Variants in FGB observed in about 807,000 individuals in gnomAD.
FGB encodes the protein beta-fibrinogen.
FGB carries 25 observed loss-of-function variants against 57.9 expected under a neutral mutation model. That is an observed-to-expected ratio of 0.43 (90% CI 0.31 to 0.60). FGB has a LOEUF of 0.60. FGB is among the 20% of genes least tolerant of loss of function. The pLI, the probability that FGB is intolerant of heterozygous loss-of-function variation, is 0.08. For synonymous variants in FGB, 203 were observed against 199.2 expected (o/e 1.02, Z -0.16); for missense variants, 536 against 598.4 (o/e 0.90, Z 1.09).
rs1418387777 is a variant in FGB, at chr4:154,569,602, AG to A, written c.1048del (p.Asp350ThrfsTer3). On this transcript the variant is annotated frameshift_variant, in exon 7 of 8. Transcript: ENST00000302068. LOFTEE classifies it high-confidence loss of function. ...TGATAGAAATGGAGGACTGGAAAGG[AG>A]ACAAAGTAAAGGCTCACTATGGAGG... ...LLIEMEDWKG[D>X]KVKAHYGGFT... 6.2e-7 allele frequency: 1 copy of A among 1,614,176 alleles called. No homozygotes were observed. Among genetic ancestry groups the A allele is most frequent in the Non-Finnish European group, 8.5e-7 (1 of 1,180,012 alleles).
At position 154,569,248 on chromosome 4, in the gene FGB, A is replaced by T. The variant is rs759534465; in HGVS notation, c.899A>T (p.Lys300Ile). 3 of 1,614,016 alleles carry T rather than the reference A, an allele frequency of 1.9e-6. No individual in the cohort carries two copies. In the African/African-American group the frequency reaches 4.0e-5, roughly 22 times the overall value. The change falls in exon 6 of 8, where the codon AAA becomes ATA. Residue 300 changes from lysine (K) to isoleucine (I), a missense_variant. By Grantham distance (102) the Lys-to-Ile change is moderately radical. Coordinates refer to ENST00000302068, the MANE Select transcript of FGB (RefSeq NM_005141.5). ...VDFGRKWDPY[K>I]QGFGNVATNT... Reference sequence around the variant, plus strand: ...TTTGGCAGGAAATGGGATCCATATAAACAGGGATTTGGAAATGTTGCAACC... The same window carrying T: ...TTTGGCAGGAAATGGGATCCATATATACAGGGATTTGGAAATGTTGCAACC...
At position 154,570,809 on chromosome 4, in the gene FGB, A is replaced by G. The variant is rs1730393001; in HGVS notation, c.*159A>G. 1.5e-6 allele frequency: 1 copy of G among 683,608 alleles called. No individual in the cohort carries two copies. 42.3% of individuals were successfully genotyped at this position (683,608 alleles called of 1,614,324 possible). ...ATAGGATAAATTACATTAAAATAGC[A>G]CATGATTTTCTTTTGTTTTCTTCAT... On this transcript the variant is annotated 3_prime_UTR_variant, in exon 8 of 8. Transcript: ENST00000302068.
rs779529144 is a variant in FGB at position 154,570,692 on chromosome 4, T to A, written c.*42T>A. 1.4e-6 allele frequency: 2 copies of A among 1,426,678 alleles called. No individual in the cohort carries two copies. The highest frequency in any genetic ancestry group is 2.0e-6 in the Non-Finnish European group (2 of 1,011,190). The allele number at this position is 1,426,678 out of a possible 1,614,324, so 88.4% of individuals were successfully genotyped here. ...TTTTGCTCTTCTGTATGTGACAACA[T>A]TTTTGTACATTATGTTATTGGAATT... is the stretch of plus-strand genomic sequence containing the variant. On this transcript the variant is annotated 3_prime_UTR_variant, in exon 8 of 8. Transcript: ENST00000302068.
chr4:154,566,723 G>T (rs746105693), intron 3 of FGB, 51 bp downstream of exon 3: 2 of 1,511,096 alleles, frequency 1.3e-6, no homozygotes, highest in Middle Eastern at 1.7e-4. Context: ...AATTGGAACC[G>T]TTAGACTGCC....
At position 154,570,642 on chromosome 4, in the gene FGB, C is replaced by G. The variant is rs1730384752; in HGVS notation, c.1468C>G (p.Gln490Glu). The change falls in exon 8 of 8, where the codon CAG becomes GAG. Residue 490 changes from glutamine (Q) to glutamate (E), a missense_variant. This residue lies in a region of FGB where 177 missense variants were observed against 193.7 expected (regional missense o/e 0.91). Coordinates refer to ENST00000302068, the MANE Select transcript of FGB (RefSeq NM_005141.5). The part of the protein sequence containing the change: ...MSMKIRPFFP[Q>E]Q ...TATGAAGATCAGGCCCTTCTTCCCA[C>G]AGCAATAGTCCCCAATACGTAGATT... 6.2e-7 allele frequency: 1 copy of G among 1,611,998 alleles called. No homozygotes were observed. Among genetic ancestry groups the G allele is most frequent in the Non-Finnish European group, 8.5e-7 (1 of 1,178,088 alleles).
chr4:154,572,207 G>A lies in FGB; in HGVS notation c.*1557G>A, dbSNP rs1730457108. Among the ~76,000 whole-genome samples, 1 of 151,998 alleles carries A rather than the reference G, an allele frequency of 6.6e-6. No individual in the cohort carries two copies. The highest frequency in any genetic ancestry group is 1.5e-5 in the Non-Finnish European group (1 of 68,014). Reference sequence around the variant, plus strand: ...TCACATTAAGTTTTTCCCCATTCCAGGACAGGTCAGGCCCTTTAAAAATTT... The same window carrying A: ...TCACATTAAGTTTTTCCCCATTCCAAGACAGGTCAGGCCCTTTAAAAATTT... On this transcript the variant is annotated 3_prime_UTR_variant, in exon 8 of 8. Coordinates refer to ENST00000302068, the MANE Select transcript of FGB (RefSeq NM_005141.5).
chr4:154,571,583 A>C lies in FGB; in HGVS notation c.*933A>C, dbSNP rs1044105505. Among the ~76,000 whole-genome samples the C allele has an allele frequency of 6.6e-6, 1 of 152,164 alleles. No homozygotes were observed. The highest frequency in any genetic ancestry group is 2.4e-5 in the African/African-American group (1 of 41,436). On this transcript the variant is annotated 3_prime_UTR_variant, in exon 8 of 8. Coordinates refer to ENST00000302068, the MANE Select transcript of FGB (RefSeq NM_005141.5). ...GGACAATCTGCATCAAGTCTTCACC[A>C]AGTGTTTTTTAAGCGAAATAATGAA...
Position 154,568,459 on chromosome 4 carries a change from A to G in FGB, c.797A>G (p.Tyr266Cys), listed in dbSNP as rs370703973. The G allele has an allele frequency of 2.6e-4, 418 of 1,599,524 alleles. No homozygotes were observed. The highest frequency in any genetic ancestry group is 3.4e-4 in the Non-Finnish European group (399 of 1,166,750). The part of the protein sequence containing the change: ...LIQPDSSVKP[Y>C]RVYCDMNTEN... ...CAACCTGACAGTTCTGTCAAACCGT[A>G]TAGAGTATACTGTGACATGAATACA... Residue 266 changes from tyrosine to cysteine, a missense_variant, in exon 5 of 8, where the codon TAT (tyrosine) becomes TGT (cysteine). Physicochemically the swap from Tyr to Cys is radical, Grantham distance 194. Around this residue, in one of 3 missense-constraint regions of FGB, gnomAD observed 354 missense variants for 383.4 expected, o/e 0.92. Coordinates refer to ENST00000302068, the MANE Select transcript of FGB (RefSeq NM_005141.5).
rs1276993052 is a variant in FGB at position 154,569,851 on chromosome 4, C to A, written c.1244+52C>A. On this transcript the variant is annotated intron_variant, in intron 7 of 7. Transcript: ENST00000302068. Reference sequence around the variant, plus strand: ...TTTAAAAATCACACTAATATCATTACTCAGAATCATTAACAATATTTTTAA... The same window carrying A: ...TTTAAAAATCACACTAATATCATTAATCAGAATCATTAACAATATTTTTAA... The A allele has an allele frequency of 1.0e-5, 16 of 1,593,112 alleles. No homozygotes were observed. In the Admixed American group the frequency reaches 2.7e-4, roughly 27 times the overall value.
chr4:154,564,482 T>C (rs1000772573), intron 1 of FGB, among the ~76,000 whole-genome samples: 5 of 152,150 alleles, frequency 3.3e-5, no homozygotes, highest in African/African-American at 1.2e-4. Context: ...AATATGTATA[T>C]ATCCTCCGAA....
chr4:154,570,594 T>G lies in FGB; in HGVS notation c.1420T>G (p.Trp474Gly). The change falls in exon 8 of 8, where the codon TGG becomes GGG. Residue 474 changes from tryptophan to glycine, a missense_variant. This residue lies in a region of FGB where 177 missense variants were observed against 193.7 expected (regional missense o/e 0.91). Coordinates refer to ENST00000302068, the MANE Select transcript of FGB (RefSeq NM_005141.5). ...GVVWMNWKGS[W>G]YSMRKMSMKI... is the part of the protein sequence containing the mutation. ...AGTATGGATGAATTGGAAGGGGTCA[T>G]GGTACTCAATGAGGAAGATGAGTAT... The G allele has an allele frequency of 6.2e-7, 1 of 1,614,122 alleles. No individual in the cohort carries two copies. Among genetic ancestry groups the G allele is most frequent in the Non-Finnish European group, 8.5e-7 (1 of 1,180,012 alleles).
chr4:154,565,639 T>C, intron 1 of FGB, 169 bp from the exon 2 acceptor site: 1 of 667,430 alleles, frequency 1.5e-6, no homozygotes, highest in South Asian at 1.9e-5. Context: ...CTACTGTTAC[T>C]GAACAGTAAG....
At chr4:154,568,554 C>A in intron 5 of FGB, 60 bp downstream of exon 5, 1 of 987,442 alleles carries the variant, frequency 1.0e-6, no homozygotes, top group Non-Finnish European at 1.6e-6. Flanking sequence ...CGTAAAATGC[C>A]AGGAAACAAG....
chr4:154,564,554 G>A (rs933397831), intron 1 of FGB, among the ~76,000 whole-genome samples: 12 of 152,006 alleles, frequency 7.9e-5, no homozygotes, highest in Admixed American at 4.6e-4. Context: ...GAACCAGCCT[G>A]GCTGGGTTTT....
rs1450610632 is a variant in FGB, at chr4:154,567,719, G to C, written c.617G>C (p.Arg206Thr). The change falls in exon 4 of 8, where the codon AGA becomes ACA. Residue 206 changes from arginine to threonine, a missense_variant. Coordinates refer to ENST00000302068, the MANE Select transcript of FGB (RefSeq NM_005141.5). ...RVLRSILENLRSKIQKLESDV... is the reference protein window; with the variant it reads ...RVLRSILENLTSKIQKLESDV... ...CTTCGTTCAATCCTGGAAAACCTGA[G>C]AAGCAAAATACAAAAGTTAGAATCT... 1 of 1,613,988 alleles carries C rather than the reference G, an allele frequency of 6.2e-7. No individual in the cohort carries two copies. The highest frequency in any genetic ancestry group is 1.3e-5 in the African/African-American group (1 of 74,908).
At chr4:154,563,177 T>C in intron 1 of FGB, 45 bp downstream of exon 1, 2 of 797,528 alleles carry the variant, frequency 2.5e-6, no homozygotes, top group Non-Finnish European at 4.2e-6. Context: ...GTATTATTAA[T>C]ATAAGATGTA....
intron 1 of FGB, among the ~76,000 whole-genome samples, chr4:154,563,694 G>A (rs901815720): frequency 2.0e-5 from 3 of 151,784 alleles, no homozygotes; most frequent in Admixed American, 6.6e-5. Context: ...AGTGTGTATT[G>A]TTATTATTAA....
chr4:154,566,430 T>C lies in FGB; in HGVS notation c.307-59T>C. 1.3e-6 allele frequency: 2 copies of C among 1,503,060 alleles called. 1 individual carries two copies. Among genetic ancestry groups the C allele is most frequent in the South Asian group, 2.3e-5 (2 of 88,746 alleles). The allele number at this position is 1,503,060 out of a possible 1,614,324, so 93.1% of individuals were successfully genotyped here. A position where few individuals can be genotyped will look rare whatever the true frequency, so the allele number is the denominator to read the frequency against. On this transcript the variant is annotated intron_variant, in intron 2 of 7. Coordinates refer to ENST00000302068, the MANE Select transcript of FGB (RefSeq NM_005141.5). ...CGCTGAATTTTCCTATGTGCTATTT[T>C]AACAAATGTCCATGACCCAAATCCT...
chr4:154,572,527 A>T lies in FGB; in HGVS notation c.*1877A>T, dbSNP rs1201513331. On this transcript the variant is annotated 3_prime_UTR_variant, in exon 8 of 8. Transcript: ENST00000302068. ...AATAAAAGGCCTTGGTTCCTTGCACATCCTGAGTTCCAACGGACAGGCAGG... is the reference window on the plus strand; with the variant it reads ...AATAAAAGGCCTTGGTTCCTTGCACTTCCTGAGTTCCAACGGACAGGCAGG... 1.3e-5 allele frequency among the ~76,000 whole-genome samples: 2 copies of T among 152,218 alleles called. No individual in the cohort carries two copies. Among genetic ancestry groups the T allele is most frequent in the African/African-American group, 4.8e-5 (2 of 41,464 alleles).
Sources: allele counts gnomAD v4.1 joint callset (sites outside exome capture counted in the v4.1 genomes callset), GRCh38; gene constraint gnomAD v4.1.1; regional missense constraint gnomAD v4.1.1; transcripts MANE v1.5; gene names NCBI Gene and HGNC (gene_info 2026-07-23, HGNC 2026-07-21).